LPXN: variants seen among roughly 807,000 people sequenced by gnomAD.
LPXN encodes the protein leupaxin.
LPXN carries 28 observed loss-of-function variants against 45.6 expected under a neutral mutation model. The observed-to-expected ratio is 0.61, with a 90% CI of 0.45 to 0.84. The LOEUF (loss-of-function observed/expected upper bound fraction) is 0.84. LPXN is among the 40% of genes least tolerant of loss of function. The probability of loss-of-function intolerance (pLI) is 0.00; values close to 1 mark genes in which losing one functional copy is unlikely to be tolerated. For synonymous variants in LPXN, 166 were observed against 169.9 expected, an observed-to-expected ratio of 0.98 and a Z score of 0.18; for missense variants, 459 against 475.0, an observed-to-expected ratio of 0.97 and a Z score of 0.31.
At chr11:58,540,367 C>A (rs1429422448) in intron 7 of LPXN, among the ~76,000 whole-genome samples, 1 of 152,092 alleles carries the variant, frequency 6.6e-6, no homozygotes, top group Admixed American at 6.6e-5. Context: ...CTGATTCAAG[C>A]AAACCAAGCC....
intron 1 of LPXN, among the ~76,000 whole-genome samples, chr11:58,575,030 T>C (rs1027496828): frequency 2.6e-5 from 4 of 152,212 alleles, no homozygotes; most frequent in Admixed American, 2.6e-4. Context: ...GCAAAGGCTA[T>C]GGAATGAGTC....
intron 2 of LPXN, among the ~76,000 whole-genome samples, chr11:58,565,521 G>A (rs958359529): frequency 2.0e-5 from 3 of 148,566 alleles, no homozygotes; most frequent in South Asian, 2.2e-4. Context: ...GTGACAGAGC[G>A]AGACTCGGTC....
intron 7 of LPXN, among the ~76,000 whole-genome samples, chr11:58,538,089 A>G (rs1853608791): frequency 6.6e-6 from 1 of 151,956 alleles, no homozygotes; most frequent in Non-Finnish European, 1.5e-5. Flanking sequence ...ATGTCCCTAC[A>G]AAGGACATGA....
intron 2 of LPXN, among the ~76,000 whole-genome samples, chr11:58,565,650 A>C (rs925149195): frequency 6.6e-6 from 1 of 152,122 alleles, no homozygotes; most frequent in Non-Finnish European, 1.5e-5. Flanking sequence ...AATATCTTAA[A>C]GTGATAGTGA....
chr11:58,578,157 A>T, upstream of LPXN: 1 of 1,411,224 alleles, frequency 7.1e-7, no homozygotes, highest in Non-Finnish European at 9.5e-7. Context: ...GATAAAAAGT[A>T]AGAAAAAGTA....
chr11:58,567,872 T>G (rs1854570180), intron 2 of LPXN, among the ~76,000 whole-genome samples: 1 of 152,190 alleles, frequency 6.6e-6, no homozygotes, highest in African/African-American at 2.4e-5. Flanking sequence ...GGCATTACCA[T>G]ATAATAAAAC....
intron 8 of LPXN, 85 bp downstream of exon 8, chr11:58,527,958 A>G (rs1366594407): frequency 1.4e-6 from 2 of 1,457,014 alleles, no homozygotes; most frequent in African/African-American, 2.8e-5. Flanking sequence ...AGGACTGTGA[A>G]CCCTTTCACT....
Position 58,527,650 on chromosome 11 carries a change from T to C in LPXN, c.965A>G (p.His322Arg). ...DGRPFCELHYHHRRGTLCHGC... is the reference protein window; with the variant it reads ...DGRPFCELHYRHRRGTLCHGC... ...ATGGCAGAGCGTTCCCCGGCGGTGA[T>C]GGTAATGGAGCTCACAGAATGGACG... Residue 322 changes from histidine to arginine, a missense_variant, in exon 9 of 9, where the codon CAT becomes CGT. His to Arg is a conservative substitution (Grantham distance 29). Coordinates refer to ENST00000395074, the MANE Select transcript of LPXN (RefSeq NM_004811.3). 6.2e-7 allele frequency: 1 copy of C among 1,614,006 alleles called. No individual in the cohort carries two copies. Among genetic ancestry groups the C allele is most frequent in the Non-Finnish European group, 8.5e-7 (1 of 1,180,002 alleles).
At chr11:58,570,825 G>T in intron 1 of LPXN, 112 bp from the exon 2 acceptor site, 1 of 736,606 alleles carries the variant, frequency 1.4e-6, no homozygotes, top group Non-Finnish European at 2.1e-6. Context: ...CTTCAATTAT[G>T]GCTATTTTCA....
At chr11:58,558,741 A>C (rs1854287422) in intron 3 of LPXN, among the ~76,000 whole-genome samples, 1 of 151,880 alleles carries the variant, frequency 6.6e-6, no homozygotes, top group African/African-American at 2.4e-5. Flanking sequence ...GGTACAAAAT[A>C]AATATGGATC....
chr11:58,532,007 C>T (rs373849102), intron 7 of LPXN, among the ~76,000 whole-genome samples: 1 of 152,198 alleles, frequency 6.6e-6, no homozygotes, highest in Non-Finnish European at 1.5e-5. Flanking sequence ...GCACGAGTTT[C>T]GGGTAGCACG....
At chr11:58,554,977 C>G (rs1854160824) in intron 3 of LPXN, 37 bp from the exon 4 acceptor site, 1 of 1,311,750 alleles carries the variant, frequency 7.6e-7, no homozygotes, top group Middle Eastern at 1.8e-4. Context: ...ATGAACAAAT[C>G]AAAACTCAAA....
intron 7 of LPXN, among the ~76,000 whole-genome samples, chr11:58,544,359 C>T (rs115549600): frequency 6.6e-6 from 1 of 152,238 alleles, no homozygotes; most frequent in African/African-American, 2.4e-5. Context: ...TGGGATGGGG[C>T]CCAAGATTTT....
Position 58,549,769 on chromosome 11 carries a change from C to CTCAAGTCGGGTCATA in LPXN, c.742+2_742+16dup. On this transcript the variant is annotated intron_variant, in intron 7 of 8. Coordinates refer to ENST00000395074, the MANE Select transcript of LPXN (RefSeq NM_004811.3). Reference sequence around the variant, plus strand: ...CCCACTGGGGTGTGGGATACAGCCTCTCAAGTCGGGTCATACCTTCTGCAC... The same window carrying CTCAAGTCGGGTCATA: ...CCCACTGGGGTGTGGGATACAGCCTCTCAAGTCGGGTCATATCAAGTCGGGTCATACCTTCTGCAC... The CTCAAGTCGGGTCATA allele has an allele frequency of 6.2e-7, 1 of 1,613,260 alleles. No individual in the cohort carries two copies. The highest frequency in any genetic ancestry group is 1.1e-5 in the South Asian group (1 of 91,042).
chr11:58,569,439 G>A (rs1001833308), intron 2 of LPXN, among the ~76,000 whole-genome samples: 3 of 151,970 alleles, frequency 2.0e-5, no homozygotes, highest in Non-Finnish European at 4.4e-5. Flanking sequence ...CCCAGGCTGG[G>A]ATGGAGTGGC....
chr11:58,555,548 T>C (rs979134849), intron 3 of LPXN, among the ~76,000 whole-genome samples: 3 of 152,304 alleles, frequency 2.0e-5, no homozygotes, highest in Middle Eastern at 3.4e-3. Context: ...TAACTATGTA[T>C]GAAGATACAA....
upstream of LPXN, chr11:58,575,934 G>C: frequency 2.1e-6 from 3 of 1,440,640 alleles, no homozygotes; most frequent in Non-Finnish European, 2.7e-6. Flanking sequence ...CTTTTGATTT[G>C]GTGAGCTTTT....
intron 7 of LPXN, among the ~76,000 whole-genome samples, chr11:58,539,418 C>G (rs775680396): frequency 1.1e-4 from 16 of 152,158 alleles, no homozygotes; most frequent in Non-Finnish European, 1.3e-4. Flanking sequence ...TAAATATCCT[C>G]AATGAAGCAG....
At chr11:58,557,322 C>T (rs1266523481) in intron 3 of LPXN, among the ~76,000 whole-genome samples, 1 of 151,808 alleles carries the variant, frequency 6.6e-6, no homozygotes, top group African/African-American at 2.4e-5. Flanking sequence ...TGGATGGACA[C>T]CAATGGAATA....
Sources: allele counts gnomAD v4.1 joint callset (sites outside exome capture counted in the v4.1 genomes callset), GRCh38; gene constraint gnomAD v4.1.1; transcripts MANE v1.5; gene names NCBI Gene and HGNC (gene_info 2026-07-23, HGNC 2026-07-21).